The following FGF13 variants were observed in gnomAD, a reference collection of about 807,000 sequenced individuals.
The protein encoded by FGF13 is fibroblast growth factor homologous factor 2.
Under a neutral mutation model 19.5 loss-of-function variants are expected in FGF13, and 2 were observed. The observed-to-expected ratio is 0.10, with a 90% CI of 0.04 to 0.32. FGF13 has a LOEUF of 0.32. Ranked by LOEUF, FGF13 falls within the 10% of genes least tolerant of loss-of-function variation. The pLI, the probability that FGF13 is intolerant of heterozygous loss-of-function variation, is 1.00. For synonymous variants in FGF13, 72 were observed against 76.9 expected (o/e 0.94, Z 0.33); for missense variants, 113 against 192.7 (o/e 0.59, Z 2.45).
At chrX:138,652,113 T>C (rs1434600779) in intron 3 of FGF13, among the ~76,000 whole-genome samples, 2 of 111,509 alleles carry the variant, frequency 1.8e-5, no homozygotes, top group African/African-American at 3.3e-5. Context: ...TCATTTTATA[T>C]GTCACACTGG....
intron 1 of FGF13, among the ~76,000 whole-genome samples, chrX:138,718,835 T>C (rs2090128310): frequency 8.9e-6 from 1 of 112,273 alleles, no homozygotes; most frequent in Non-Finnish European, 1.9e-5. Context: ...AGATTTGTTT[T>C]TCCCAAAACT....
rs1569347570 is a variant in FGF13, at chrX:138,625,458, T to TTATATATATATACATATATATATAAAA, written c.*7391_*7392insTTTTATATATATATGTATATATATATA. The TTATATATATATACATATATATATAAAA allele has an allele frequency of 1.2e-4, 11 of 93,742 alleles. No individual in the cohort carries two copies. Among genetic ancestry groups the TTATATATATATACATATATATATAAAA allele is most frequent in the African/African-American group, 3.5e-4 (9 of 25,465 alleles). The allele number at this position is 93,742 out of a possible 1,213,427, so 7.7% of individuals were successfully genotyped here. A position where few individuals can be genotyped will look rare whatever the true frequency, so the allele number is the denominator to read the frequency against. Reference sequence around the variant, plus strand: ...CGGACAGATGAATGAAGAAAGAAAATTATATATATATACATATATATATAT... The same window carrying TTATATATATATACATATATATATAAAA: ...CGGACAGATGAATGAAGAAAGAAAATTATATATATATACATATATATATAAAATATATATATATACATATATATATAT... On this transcript the variant is annotated 3_prime_UTR_variant, in exon 5 of 5. Coordinates refer to ENST00000315930, the MANE Select transcript of FGF13 (RefSeq NM_004114.5).
chrX:138,970,534 G>A (rs1029042033), intron 1 of FGF13, among the ~76,000 whole-genome samples: 1 of 111,590 alleles, frequency 9.0e-6, no homozygotes, highest in Non-Finnish European at 1.9e-5. Context: ...AAACAGCCTT[G>A]CTGAAAAGCT....
chrX:138,829,471 G>A (rs1413379296), intron 3 of FGF13, among the ~76,000 whole-genome samples: 1 of 111,313 alleles, frequency 9.0e-6, no homozygotes, highest in Non-Finnish European at 1.9e-5. Flanking sequence ...TTCCATGAGT[G>A]GAAGCACTCT....
intron 1 of FGF13, among the ~76,000 whole-genome samples, chrX:138,950,453 G>A (rs1205824291): frequency 8.9e-6 from 1 of 111,761 alleles, no homozygotes; most frequent in Non-Finnish European, 1.9e-5. Flanking sequence ...CAATATTTAT[G>A]TAAACCTCTT....
chrX:139,113,658 C>T (rs747935036), intron 1 of FGF13, among the ~76,000 whole-genome samples: 19 of 112,210 alleles, frequency 1.7e-4, no homozygotes, highest in Middle Eastern at 4.7e-3. Flanking sequence ...CCTCTTTACC[C>T]TTTAGTAAAA....
downstream of FGF13, among the ~76,000 whole-genome samples, chrX:138,856,808 A>C (rs891357715): frequency 8.9e-6 from 1 of 112,374 alleles, no homozygotes; most frequent in African/African-American, 3.2e-5. Flanking sequence ...TGTTGGAAAC[A>C]ATGAATAAAT....
exon 1 of FGF13, chrX:138,739,326 CAG>C: frequency 2.6e-6 from 3 of 1,171,550 alleles, no homozygotes; most frequent in Non-Finnish European, 2.3e-6. Flanking sequence ...GGAGCAGACA[CAG>C]AGAGAGAGGA....
At chrX:138,860,224 C>T (rs1436994056) in intron 2 of FGF13, among the ~76,000 whole-genome samples, 3 of 111,437 alleles carry the variant, frequency 2.7e-5, no homozygotes, top group African/African-American at 9.8e-5. Flanking sequence ...ATCAAATGCA[C>T]TTATTCCCAG....
intron 1 of FGF13, among the ~76,000 whole-genome samples, chrX:138,723,388 C>A (rs2090160932): frequency 9.0e-6 from 1 of 111,709 alleles, no homozygotes; most frequent in African/African-American, 3.3e-5. Flanking sequence ...TCATCCTTTG[C>A]AGCTTTGAAA....
intron 1 of FGF13, among the ~76,000 whole-genome samples, chrX:138,918,195 G>A (rs775592520): frequency 1.3e-4 from 14 of 108,697 alleles, no homozygotes; most frequent in African/African-American, 4.7e-4. Flanking sequence ...CTGTTTTCTT[G>A]TGCTTCAGTA....
At chrX:138,851,928 A>G (rs2091225336) in intron 3 of FGF13, among the ~76,000 whole-genome samples, 1 of 111,203 alleles carries the variant, frequency 9.0e-6, no homozygotes, top group African/African-American at 3.3e-5. Context: ...CCAACAACAG[A>G]CAAGCAGACA....
chrX:138,979,403 C>CT (rs763429908), intron 1 of FGF13, among the ~76,000 whole-genome samples: 1,201 of 102,353 alleles, frequency 0.012, 13 homozygotes, highest in African/African-American at 0.036. Context: ...CAGAGATTTT[C>CT]TTTTTTTTTT....
At chrX:138,978,291 C>T (rs765333603) in intron 1 of FGF13, among the ~76,000 whole-genome samples, 2 of 64,090 alleles carry the variant, frequency 3.1e-5, no homozygotes, top group East Asian at 6.6e-4. Context: ...GAGATGGAGT[C>T]TCGCTCTGTC....
chrX:139,204,034 A>G (rs1255190323), upstream of FGF13: 1 of 1,206,413 alleles, frequency 8.3e-7, no homozygotes. Context: ...AAAGGAAAGC[A>G]GGCGGACTCG....
intron 3 of FGF13, among the ~76,000 whole-genome samples, chrX:138,761,339 A>G (rs1569386269): frequency 1.8e-5 from 2 of 111,231 alleles, no homozygotes; most frequent in Admixed American, 9.6e-5. Context: ...TTTTACTCTC[A>G]TTACTATACT....
intron 1 of FGF13, among the ~76,000 whole-genome samples, chrX:138,891,202 G>A (rs998936552): frequency 1.8e-5 from 2 of 111,685 alleles, no homozygotes; most frequent in Non-Finnish European, 3.8e-5. Context: ...GGAGAATGCC[G>A]TGAACTCGGG....
chrX:139,012,555 C>T (rs1205081568), intron 1 of FGF13, among the ~76,000 whole-genome samples: 1 of 111,368 alleles, frequency 9.0e-6, no homozygotes, highest in African/African-American at 3.3e-5. Context: ...ATACTTACAG[C>T]CAACTGATTT....
intron 1 of FGF13, among the ~76,000 whole-genome samples, chrX:139,084,794 G>A (rs1047033093): frequency 7.6e-4 from 85 of 112,033 alleles, no homozygotes; most frequent in African/African-American, 2.4e-3. Context: ...AGAATAAAAC[G>A]GTCCAATGAA....
Sources: gnomAD v4.1 joint callset for allele counts (sites outside exome capture counted in the v4.1 genomes callset) on GRCh38, gnomAD v4.1.1 for gene constraint, MANE v1.5 for transcripts, NCBI Gene and HGNC (gene_info 2026-07-23, HGNC 2026-07-21) for gene names.